The following TAFA2 variants were observed in gnomAD, a reference collection of about 807,000 sequenced individuals.
TAFA2 encodes the protein chemokine-like protein TAFA-2.
A neutral mutation model predicts 18.8 loss-of-function variants in TAFA2; 7 were observed. That is an observed-to-expected ratio of 0.37 (90% CI 0.21 to 0.70). TAFA2 has a LOEUF of 0.70. Among genes scored for constraint, TAFA2 ranks in the 30% least tolerant of loss-of-function variants. The pLI is 0.53. For synonymous variants in TAFA2, 60 were observed against 54.2 expected, an observed-to-expected ratio of 1.11 and a Z score of -0.47; for missense variants, 122 against 158.1, an observed-to-expected ratio of 0.77 and a Z score of 1.23.
chr12:62,189,501 A>T (rs1382199601), intron 1 of TAFA2, among the ~76,000 whole-genome samples: 1 of 152,236 alleles, frequency 6.6e-6, no homozygotes, highest in African/African-American at 2.4e-5. Flanking sequence ...GGAAAGAGAC[A>T]AACATGTCTG....
chr12:61,712,304 A>G (rs1869448317), intron 4 of TAFA2, among the ~76,000 whole-genome samples: 1 of 152,144 alleles, frequency 6.6e-6, no homozygotes, highest in Admixed American at 6.6e-5. Context: ...CTTCATTTCA[A>G]GCTAAATATT....
chr12:62,128,810 G>A (rs879858841), intron 1 of TAFA2, among the ~76,000 whole-genome samples: 10 of 152,000 alleles, frequency 6.6e-5, no homozygotes, highest in East Asian at 1.9e-4. Flanking sequence ...AATTGAAAAC[G>A]TACTTCCGTG....
intron 1 of TAFA2, among the ~76,000 whole-genome samples, chr12:62,223,008 A>T (rs533833876): frequency 6.6e-6 from 1 of 152,300 alleles, no homozygotes; most frequent in South Asian, 2.1e-4. Flanking sequence ...ATATTAAAGG[A>T]CAAAAAAGAA....
At chr12:61,899,078 A>G (rs1287575274) in intron 1 of TAFA2, among the ~76,000 whole-genome samples, 1 of 152,184 alleles carries the variant, frequency 6.6e-6, no homozygotes, top group Non-Finnish European at 1.5e-5. Context: ...GAAATTCTTC[A>G]TCTCCATCTG....
intron 2 of TAFA2, among the ~76,000 whole-genome samples, chr12:61,809,352 T>G (rs1040152851): frequency 2.0e-5 from 3 of 151,534 alleles, no homozygotes; most frequent in Admixed American, 1.3e-4. Context: ...TAAGTTTAAT[T>G]GGGAAAATAA....
chr12:62,225,456 C>G (rs914609130), intron 1 of TAFA2, among the ~76,000 whole-genome samples: 1 of 151,858 alleles, frequency 6.6e-6, no homozygotes, highest in African/African-American at 2.4e-5. Context: ...TCAGAAAAGC[C>G]TTTCTAAGCG....
At chr12:61,955,622 AAAAAAAAAAAATATATATATATATATAT>A (rs1878642209) in intron 1 of TAFA2, among the ~76,000 whole-genome samples, 5 of 32,520 alleles carry the variant, frequency 1.5e-4, no homozygotes, top group African/African-American at 4.1e-4. Context: ...AAAAAAAAAA[AAAAAAAAAAAATATATATATATATATAT>A]ATATATATAT....
chr12:62,124,963 C>A (rs146398993), intron 1 of TAFA2, among the ~76,000 whole-genome samples: 47 of 152,092 alleles, frequency 3.1e-4, no homozygotes, highest in Admixed American at 1.3e-3. Flanking sequence ...AATGCAGGGC[C>A]CCTTGTTCAA....
At chr12:62,058,825 C>A (rs1042433665) in intron 1 of TAFA2, among the ~76,000 whole-genome samples, 16 of 152,096 alleles carry the variant, frequency 1.1e-4, no homozygotes, top group African/African-American at 3.9e-4. Context: ...TATCTGAGTG[C>A]GGGTGCAATG....
intron 1 of TAFA2, among the ~76,000 whole-genome samples, chr12:62,246,923 T>C (rs865966221): frequency 2.0e-4 from 29 of 146,952 alleles, no homozygotes; most frequent in Middle Eastern, 3.6e-3. Context: ...AAGGCTGTTT[T>C]GTTTTGTTTT....
chr12:62,180,773 T>A (rs2062546807), intron 1 of TAFA2, among the ~76,000 whole-genome samples: 1 of 151,942 alleles, frequency 6.6e-6, no homozygotes, highest in African/African-American at 2.4e-5. Context: ...AACAATGGTA[T>A]CATGGTCAAT....
intron 1 of TAFA2, among the ~76,000 whole-genome samples, chr12:62,214,052 C>T (rs190727909): frequency 6.6e-5 from 10 of 152,286 alleles, no homozygotes; most frequent in Admixed American, 3.3e-4. Context: ...CTAATGAAAG[C>T]ATGTACTTCT....
intron 4 of TAFA2, among the ~76,000 whole-genome samples, chr12:61,714,816 A>C (rs1357876444): frequency 6.6e-6 from 1 of 152,180 alleles, no homozygotes; most frequent in Non-Finnish European, 1.5e-5. Flanking sequence ...ATTGAAGCCT[A>C]AAATTCCTTG....
chr12:61,895,318 A>C (rs1377922359), intron 1 of TAFA2, among the ~76,000 whole-genome samples: 2 of 152,212 alleles, frequency 1.3e-5, no homozygotes, highest in African/African-American at 2.4e-5. Flanking sequence ...CAAGTAGGTG[A>C]CAAATGTCTT....
At chr12:62,158,025 C>T (rs1218639739) in intron 1 of TAFA2, among the ~76,000 whole-genome samples, 1 of 152,114 alleles carries the variant, frequency 6.6e-6, no homozygotes, top group Non-Finnish European at 1.5e-5. Context: ...TGACATTTCT[C>T]ATTCTTATGT....
chr12:61,903,343 C>T (rs1391115504), intron 1 of TAFA2, among the ~76,000 whole-genome samples: 1 of 152,204 alleles, frequency 6.6e-6, no homozygotes, highest in African/African-American at 2.4e-5. Context: ...TTACACTGCT[C>T]ATTCTTCATT....
intron 2 of TAFA2, among the ~76,000 whole-genome samples, chr12:61,826,885 T>C (rs1318510276): frequency 6.6e-6 from 1 of 152,062 alleles, no homozygotes; most frequent in Non-Finnish European, 1.5e-5. Flanking sequence ...ACTGCTTTAA[T>C]TTCTAGAGGC....
chr12:61,936,154 G>A (rs1464660835), intron 1 of TAFA2, among the ~76,000 whole-genome samples: 1 of 152,032 alleles, frequency 6.6e-6, no homozygotes, highest in African/African-American at 2.4e-5. Context: ...TTTCATCTCA[G>A]GAATACAGGA....
At chr12:62,187,576 A>T (rs971166383) in intron 1 of TAFA2, among the ~76,000 whole-genome samples, 1 of 152,194 alleles carries the variant, frequency 6.6e-6, no homozygotes, top group Admixed American at 6.5e-5. Flanking sequence ...AATATATTTA[A>T]ATACTTTCAC....
Sources: gnomAD v4.1 joint callset for allele counts (sites outside exome capture counted in the v4.1 genomes callset) on GRCh38, gnomAD v4.1.1 for gene constraint, MANE v1.5 for transcripts, NCBI Gene and HGNC (gene_info 2026-07-23, HGNC 2026-07-21) for gene names.